The following ATP2B2 variants were observed in gnomAD, a reference collection of about 807,000 sequenced individuals.
The protein encoded by ATP2B2 is ATPase plasma membrane Ca2+ transporting 2.
In ATP2B2, 15 loss-of-function variants were observed where a neutral mutation model predicts 120.0. That is an observed-to-expected ratio of 0.12 (90% CI 0.08 to 0.19). ATP2B2 has a LOEUF of 0.19. Among genes scored for constraint, ATP2B2 ranks in the 10% least tolerant of loss-of-function variants. ATP2B2 has a pLI of 1.00. For synonymous variants in ATP2B2, 694 were observed against 700.3 expected, an observed-to-expected ratio of 0.99 and a Z score of 0.14; for missense variants, 1,045 against 1,719.8, an observed-to-expected ratio of 0.61 and a Z score of 6.94.
rs1018425795 is a variant in ATP2B2 at position 10,350,386 on chromosome 3, T to G, written c.2316+12A>C. 165 of 1,614,072 alleles carry G rather than the reference T, an allele frequency of 1.0e-4. No individual in the cohort carries two copies. Among genetic ancestry groups the G allele is most frequent in the Non-Finnish European group, 1.4e-4 (164 of 1,180,028 alleles). ...GCGTTCCCCTGAGGATGCTTTACGT[T>G]GGGACACGCACCTCCCCCTTCTCGT... On this transcript the variant is annotated intron_variant, in intron 15 of 22. Coordinates refer to ENST00000360273, the MANE Select transcript of ATP2B2 (RefSeq NM_001001331.4).
intron 1 of ATP2B2, among the ~76,000 whole-genome samples, chr3:10,631,784 A>G (rs1199616559): frequency 6.6e-6 from 1 of 152,232 alleles, no homozygotes; most frequent in Non-Finnish European, 1.5e-5. Context: ...TCCATATCAA[A>G]TACAGCATCA....
At chr3:10,669,182 TC>T (rs1418957137) in intron 1 of ATP2B2, among the ~76,000 whole-genome samples, 3 of 152,166 alleles carry the variant, frequency 2.0e-5, no homozygotes, top group African/African-American at 7.2e-5. Context: ...TCTCTTCCTG[TC>T]CCAAAGAGGA....
chr3:10,598,228 G>A (rs1559478745), intron 2 of ATP2B2, among the ~76,000 whole-genome samples: 1 of 152,184 alleles, frequency 6.6e-6, no homozygotes, highest in Non-Finnish European at 1.5e-5. Flanking sequence ...TGTGAAGAAC[G>A]TGGTAACTCC....
chr3:10,686,131 T>C lies in ATP2B2; in HGVS notation c.-460+21784A>G, dbSNP rs376437086. On this transcript the variant is annotated intron_variant, in intron 1 of 21. Coordinates refer to the ATP2B2 transcript ENST00000646379. Reference sequence around the variant, plus strand: ...CTTGTGGTTGCCCTCATCTGAAGCATATAGGGTGGAAATTTTAATTTCTCT... The same window carrying C: ...CTTGTGGTTGCCCTCATCTGAAGCACATAGGGTGGAAATTTTAATTTCTCT... Among the ~76,000 whole-genome samples the C allele has an allele frequency of 4.1e-5, 6 of 144,850 alleles. No individual in the cohort carries two copies. The South Asian group carries it at 8.9e-4, about 22-fold the overall frequency.
At chr3:10,429,301 T>G (rs534082995) in intron 2 of ATP2B2, among the ~76,000 whole-genome samples, 53 of 152,334 alleles carry the variant, frequency 3.5e-4, no homozygotes, top group African/African-American at 1.2e-3. Context: ...GCTTCACAGA[T>G]AGTGCATTTT....
intron 1 of ATP2B2, among the ~76,000 whole-genome samples, chr3:10,464,706 A>G (rs1013260441): frequency 6.6e-6 from 1 of 152,208 alleles, no homozygotes; most frequent in Non-Finnish European, 1.5e-5. Flanking sequence ...TCTGAAATGG[A>G]GACAATCACA....
At position 10,340,729 on chromosome 3, in the gene ATP2B2, G is replaced by C. The variant is rs2060250939; in HGVS notation, c.2918-25C>G. 1.2e-6 allele frequency: 2 copies of C among 1,613,056 alleles called. No individual in the cohort carries two copies. The highest frequency in any genetic ancestry group is 1.7e-6 in the Non-Finnish European group (2 of 1,179,262). Reference sequence around the variant, plus strand: ...CCTGCCAAGTGAGAGAGTGGGGCTGGGCTGAAGGCAGTGGTGGGGGAATCA... The same window carrying C: ...CCTGCCAAGTGAGAGAGTGGGGCTGCGCTGAAGGCAGTGGTGGGGGAATCA... On this transcript the variant is annotated intron_variant, in intron 19 of 22. Coordinates refer to ENST00000360273, the MANE Select transcript of ATP2B2 (RefSeq NM_001001331.4). This position sits in a 1 kb window ranked among gnomAD's most constrained non-coding sequence, Gnocchi z 5.0.
At chr3:10,491,391 A>G (rs1042485812) in intron 1 of ATP2B2, among the ~76,000 whole-genome samples, 3 of 151,976 alleles carry the variant, frequency 2.0e-5, no homozygotes, top group Non-Finnish European at 2.9e-5. Flanking sequence ...ATGCCCGGCT[A>G]ATTTTTGCAT....
chr3:10,332,568 C>G (rs975617071), intron 22 of ATP2B2, among the ~76,000 whole-genome samples: 1 of 152,196 alleles, frequency 6.6e-6, no homozygotes, highest in Non-Finnish European at 1.5e-5. Flanking sequence ...GAAGTTCAAG[C>G]TGAGAAACAG....
rs775610841 is a variant in ATP2B2 at position 10,388,376 on chromosome 3, G to T, written c.808C>A (p.Arg270=). The part of the protein sequence containing the change: ...SGTHVMEGSG[R]MLVTAVGVNS... ...ACACCCACAGCAGTCACCAACATCC[G>T]TCCTGAGCCCTCCATCACGTGGGTT... Residue 270 remains arginine, a synonymous_variant, in exon 6 of 23, where the codon CGG becomes AGG. Transcript: ENST00000360273. 4.3e-6 allele frequency: 7 copies of T among 1,614,054 alleles called. No homozygotes were observed. The highest frequency in any genetic ancestry group is 5.9e-6 in the Non-Finnish European group (7 of 1,180,004).
chr3:10,674,177 G>A (rs957824580), intron 1 of ATP2B2, among the ~76,000 whole-genome samples: 1 of 152,138 alleles, frequency 6.6e-6, no homozygotes. Flanking sequence ...TTTGGGGGTG[G>A]CCTTCCTAGC....
At chr3:10,384,469 G>T (rs2061616174) in intron 8 of ATP2B2, among the ~76,000 whole-genome samples, 1 of 152,190 alleles carries the variant, frequency 6.6e-6, no homozygotes, top group Admixed American at 6.5e-5. Flanking sequence ...CAAAAGCCTT[G>T]TCTGTTGCTC....
intron 2 of ATP2B2, among the ~76,000 whole-genome samples, chr3:10,413,481 C>T (rs1000999033): frequency 9.8e-5 from 15 of 152,366 alleles, no homozygotes; most frequent in Admixed American, 7.2e-4. Flanking sequence ...GCTCATTTCA[C>T]AGATGGGGAG....
chr3:10,650,044 A>C (rs1186273714), intron 1 of ATP2B2, among the ~76,000 whole-genome samples: 2 of 152,216 alleles, frequency 1.3e-5, no homozygotes, highest in Non-Finnish European at 2.9e-5. Context: ...TTGGGGTGCT[A>C]CTGAAGATAC....
chr3:10,631,534 A>C (rs1034244298), intron 1 of ATP2B2, among the ~76,000 whole-genome samples: 3 of 152,138 alleles, frequency 2.0e-5, no homozygotes, highest in Admixed American at 1.3e-4. Flanking sequence ...CACCCCTCTA[A>C]TCAGTGGCAT....
At chr3:10,586,960 G>A (rs376859730) in intron 2 of ATP2B2, among the ~76,000 whole-genome samples, 1 of 151,960 alleles carries the variant, frequency 6.6e-6, no homozygotes, top group Non-Finnish European at 1.5e-5. Context: ...CTCACATCTC[G>A]CCCTGACCTT....
At chr3:10,533,100 A>C (rs796783145) in intron 3 of ATP2B2, among the ~76,000 whole-genome samples, 6 of 152,112 alleles carry the variant, frequency 3.9e-5, no homozygotes, top group African/African-American at 1.4e-4. Flanking sequence ...TGGGGCATGC[A>C]CTCCAAGATT....
intron 1 of ATP2B2, among the ~76,000 whole-genome samples, chr3:10,658,940 C>G (rs1237388454): frequency 1.3e-5 from 2 of 152,110 alleles, no homozygotes; most frequent in East Asian, 3.8e-4. Flanking sequence ...GGCCAATATT[C>G]AACATTCTTA....
chr3:10,453,443 T>A (rs180945268), intron 1 of ATP2B2, among the ~76,000 whole-genome samples: 18 of 152,304 alleles, frequency 1.2e-4, no homozygotes, highest in Admixed American at 9.8e-4. Flanking sequence ...TGAAGTAAAT[T>A]GCTCAAGATC....
Sources: allele counts gnomAD v4.1 joint callset (sites outside exome capture counted in the v4.1 genomes callset), GRCh38; gene constraint gnomAD v4.1.1; non-coding constraint Gnocchi (gnomAD v3.1); transcripts MANE v1.5; gene names NCBI Gene and HGNC (gene_info 2026-07-23, HGNC 2026-07-21).